The following MTHFD1L variants were observed in gnomAD, a reference collection of about 807,000 sequenced individuals.
MTHFD1L encodes the protein monofunctional C1-tetrahydrofolate synthase, mitochondrial.
In MTHFD1L, 81 loss-of-function variants were observed where a neutral mutation model predicts 119.5. That is an observed-to-expected ratio of 0.68 (90% confidence interval 0.57 to 0.82). The LOEUF (loss-of-function observed/expected upper bound fraction) is 0.82. Ranked by LOEUF, MTHFD1L falls within the 40% of genes least tolerant of loss-of-function variation. The pLI, the probability that MTHFD1L is intolerant of heterozygous loss-of-function variation, is 0.00. For missense variants in MTHFD1L, 1,125 were observed against 1,253.4 expected (o/e 0.90, Z 1.55); for synonymous variants, 430 against 475.2 (o/e 0.90, Z 1.24).
chr6:150,905,863 C>T (rs1785816962), intron 8 of MTHFD1L, 102 bp downstream of exon 8: 4 of 904,910 alleles, frequency 4.4e-6, no homozygotes, highest in African/African-American at 1.6e-5. Flanking sequence ...TGTTAGCAGT[C>T]GTCAACATTA....
chr6:151,016,768 CTTTTTTTTTTTTT>C (rs757274955), intron 24 of MTHFD1L: 4 of 217,762 alleles, frequency 1.8e-5, no homozygotes, highest in Admixed American at 7.3e-5. Flanking sequence ...CTATCTTAGC[CTTTTTTTTTTTTT>C]TTTTTTTTTG....
At chr6:150,900,003 TTATATTA>T (rs1015824137) in intron 7 of MTHFD1L, among the ~76,000 whole-genome samples, 5 of 148,032 alleles carry the variant, frequency 3.4e-5, no homozygotes, top group Non-Finnish European at 7.4e-5. Flanking sequence ...ATTTTTTATA[TTATATTA>T]TATATTATAT....
At chr6:150,866,093 G>T in intron 1 of MTHFD1L, 44 bp downstream of exon 1, 1 of 1,479,016 alleles carries the variant, frequency 6.8e-7, no homozygotes, top group Non-Finnish European at 8.9e-7. Context: ...CAGCGGCTGT[G>T]GCCCCGACCC....
intron 26 of MTHFD1L, among the ~76,000 whole-genome samples, chr6:151,042,651 C>G (rs1787305610): frequency 6.6e-6 from 1 of 152,104 alleles, no homozygotes; most frequent in Admixed American, 6.6e-5. Flanking sequence ...TTTACAAGGG[C>G]TGTTTAATCA....
chr6:151,064,156 CT>C (rs1360223182), intron 26 of MTHFD1L, among the ~76,000 whole-genome samples: 1 of 152,098 alleles, frequency 6.6e-6, no homozygotes, highest in African/African-American at 2.4e-5. Flanking sequence ...TCGGCCAATA[CT>C]TGGCAAAAAG....
chr6:150,870,783 C>T (rs1383900259), intron 1 of MTHFD1L, among the ~76,000 whole-genome samples: 1 of 151,426 alleles, frequency 6.6e-6, no homozygotes, highest in Non-Finnish European at 1.5e-5. Flanking sequence ...TGGTGGTGTG[C>T]GCCTGTAGTC....
intron 26 of MTHFD1L, among the ~76,000 whole-genome samples, chr6:151,080,303 G>A (rs990376318): frequency 3.3e-5 from 5 of 152,164 alleles, no homozygotes; most frequent in African/African-American, 1.2e-4. Flanking sequence ...TTTGGTCCAC[G>A]TTTTTTTCTC....
rs115615954 is a variant in MTHFD1L at position 150,909,758 on chromosome 6, A to G, written c.892+3997A>G. On this transcript the variant is annotated intron_variant, in intron 8 of 27. Coordinates refer to ENST00000367321, the MANE Select transcript of MTHFD1L (RefSeq NM_015440.5). ...AACTCTGTGGCTCAGAGTAATTTAT[A>G]GCATCATTTTAAGCTAATGTAATTC... is the stretch of plus-strand genomic sequence containing the variant. Among the ~76,000 whole-genome samples, 243 of 152,334 alleles carry G rather than the reference A, an allele frequency of 1.6e-3. 1 individual carries two copies. Among genetic ancestry groups the G allele is most frequent in the African/African-American group, 5.7e-3 (238 of 41,578 alleles).
At chr6:150,982,645 C>T (rs1777695936) in intron 20 of MTHFD1L, among the ~76,000 whole-genome samples, 1 of 151,802 alleles carries the variant, frequency 6.6e-6, no homozygotes, top group Non-Finnish European at 1.5e-5. Context: ...CAATTTATAT[C>T]ACTACCAATT....
intron 1 of MTHFD1L, among the ~76,000 whole-genome samples, chr6:150,875,257 C>G (rs1169792273): frequency 6.6e-6 from 1 of 151,958 alleles, no homozygotes; most frequent in East Asian, 1.9e-4. Flanking sequence ...TTATGTTACC[C>G]AGGCTGGTCT....
At chr6:151,093,555 G>A (rs900056175) in intron 27 of MTHFD1L, among the ~76,000 whole-genome samples, 2 of 152,160 alleles carry the variant, frequency 1.3e-5, no homozygotes, top group African/African-American at 2.4e-5. Flanking sequence ...TACTCGGGAG[G>A]CTGAGGCAGA....
At chr6:151,032,143 A>G (rs558111095) in intron 24 of MTHFD1L, among the ~76,000 whole-genome samples, 1 of 152,322 alleles carries the variant, frequency 6.6e-6, no homozygotes, top group African/African-American at 2.4e-5. Context: ...TTATCTGACT[A>G]TTTATGCCAT....
intron 1 of MTHFD1L, among the ~76,000 whole-genome samples, chr6:150,871,582 A>ACCT (rs966936648): frequency 1.4e-5 from 2 of 144,934 alleles, no homozygotes; most frequent in Non-Finnish European, 3.0e-5. Flanking sequence ...GCTCGCTGGA[A>ACCT]CCTCCGCCTC....
chr6:150,866,693 T>G, intron 1 of MTHFD1L: 1 of 1,143,644 alleles, frequency 8.7e-7, no homozygotes, highest in Non-Finnish European at 1.1e-6. Flanking sequence ...TCAGCGCTGG[T>G]TTCCAGCTTC....
At chr6:151,057,302 T>C (rs1049734092) in intron 26 of MTHFD1L, 33 of 985,370 alleles carry the variant, frequency 3.3e-5, no homozygotes, top group Non-Finnish European at 4.0e-5. Flanking sequence ...ATATGGAAAA[T>C]TGGAGGCAAA....
intron 10 of MTHFD1L, among the ~76,000 whole-genome samples, chr6:150,922,646 C>A (rs1789170407): frequency 1.0e-5 from 1 of 100,432 alleles, no homozygotes; most frequent in African/African-American, 3.7e-5. Context: ...CCCCCCCCAC[C>A]CTTTTTTTTT....
At chr6:151,009,527 C>T (rs1278212456) in intron 20 of MTHFD1L, among the ~76,000 whole-genome samples, 1 of 140,678 alleles carries the variant, frequency 7.1e-6, no homozygotes, top group Non-Finnish European at 1.5e-5. Context: ...GGGCAAGACA[C>T]CATCTCCAAA....
chr6:150,943,009 G>A (rs941398443), intron 13 of MTHFD1L, among the ~76,000 whole-genome samples: 1 of 152,142 alleles, frequency 6.6e-6, no homozygotes, highest in Non-Finnish European at 1.5e-5. Context: ...AAGGCCGGAT[G>A]TGGTGGCTCA....
chr6:150,977,902 C>CTTTTT (rs11355188), intron 20 of MTHFD1L, among the ~76,000 whole-genome samples: 3 of 141,120 alleles, frequency 2.1e-5, no homozygotes, highest in African/African-American at 5.2e-5. Flanking sequence ...ATATATACAC[C>CTTTTT]TTTTTTTTTT....
Sources: gnomAD v4.1 joint callset for allele counts (sites outside exome capture counted in the v4.1 genomes callset) on GRCh38, gnomAD v4.1.1 for gene constraint, MANE v1.5 for transcripts, NCBI Gene and HGNC (gene_info 2026-07-23, HGNC 2026-07-21) for gene names.